The following MREG variants were observed in gnomAD, a reference collection of about 807,000 sequenced individuals.
MREG encodes the protein melanoregulin, also known as dilute suppressor protein homolog.
Under a neutral mutation model 28.5 loss-of-function variants are expected in MREG, and 31 were observed. That is an observed-to-expected ratio of 1.09 (90% confidence interval 0.82 to 1.47). The LOEUF (loss-of-function observed/expected upper bound fraction) is 1.47. Among genes scored for constraint, MREG ranks in the 40% most tolerant of loss-of-function variants. MREG has a pLI of 0.00. For missense variants in MREG, 256 were observed against 257.4 expected (o/e 0.99, Z 0.04); for synonymous variants, 106 against 95.2 (o/e 1.11, Z -0.66).
At chr2:216,013,898 T>G (rs1002639968), upstream of MREG, among the ~76,000 whole-genome samples, 5 of 152,158 alleles carry the variant, frequency 3.3e-5, no homozygotes, top group Non-Finnish European at 7.3e-5. Flanking sequence ...AGAGCATGGA[T>G]TGATGCATAT....
chr2:216,007,111 T>G (rs1228508665), intron 1 of MREG, among the ~76,000 whole-genome samples: 1 of 152,236 alleles, frequency 6.6e-6, no homozygotes, highest in Non-Finnish European at 1.5e-5. Context: ...AAGTTCTCTG[T>G]GTCTCAGTCT....
chr2:216,024,540 C>T (rs1335894361), intron 1 of MREG, among the ~76,000 whole-genome samples: 6 of 148,680 alleles, frequency 4.0e-5, no homozygotes, highest in South Asian at 2.1e-4. Flanking sequence ...AGAGCAGAAC[C>T]TGTCCAATTG....
chr2:215,993,234 T>A (rs556933070), intron 2 of MREG, among the ~76,000 whole-genome samples: 7 of 152,080 alleles, frequency 4.6e-5, no homozygotes, highest in African/African-American at 1.7e-4. Flanking sequence ...TGCAGACCAA[T>A]AGAACAGAAC....
chr2:215,986,827 T>C (rs929812185), intron 2 of MREG, among the ~76,000 whole-genome samples: 4 of 152,254 alleles, frequency 2.6e-5, no homozygotes, highest in Admixed American at 6.5e-5. Flanking sequence ...TAAACCTCTT[T>C]GCTTTATAAA....
rs980257943 is a variant in MREG, at chr2:215,943,391, A to G, written c.*1472T>C. The G allele has an allele frequency of 6.6e-6, 3 of 456,616 alleles. No homozygotes were observed. The highest frequency in any genetic ancestry group is 2.0e-5 in the African/African-American group (1 of 50,086). 28.3% of individuals were successfully genotyped at this position (456,616 alleles called of 1,614,324 possible). On this transcript the variant is annotated 3_prime_UTR_variant, in exon 5 of 5. Transcript: ENST00000263268. Reference sequence around the variant, plus strand: ...CTTCTGAAGAGAAGAAGGTCCAGCAAAGATCTTCAGTGCAATACTCCCTGC... The same window carrying G: ...CTTCTGAAGAGAAGAAGGTCCAGCAGAGATCTTCAGTGCAATACTCCCTGC...
intron 2 of MREG, among the ~76,000 whole-genome samples, chr2:215,959,188 T>A (rs1692714913): frequency 6.6e-6 from 1 of 152,134 alleles, no homozygotes; most frequent in Non-Finnish European, 1.5e-5. Context: ...AATGCCTCAA[T>A]TTCTCTTGTC....
At chr2:216,016,010 T>C (rs1455963082), upstream of MREG, among the ~76,000 whole-genome samples, 1 of 152,188 alleles carries the variant, frequency 6.6e-6, no homozygotes, top group Non-Finnish European at 1.5e-5. Context: ...AGCTACAGTG[T>C]GAGGCTGAAG....
At chr2:216,005,776 C>A (rs1694137372) in intron 1 of MREG, among the ~76,000 whole-genome samples, 1 of 144,692 alleles carries the variant, frequency 6.9e-6, no homozygotes, top group Admixed American at 7.2e-5. Context: ...TTATACTGAA[C>A]ATATTTGTGT....
At position 216,031,669 on chromosome 2, in the gene MREG, A is replaced by AAG. The variant is rs777419337; in HGVS notation, c.-68+1118_-68+1119dup. On this transcript the variant is annotated intron_variant, in intron 1 of 3. Coordinates refer to the MREG transcript ENST00000420348. ...AAGAAAAGAAAGAAAGAAAGAAAGA[A>AAG]AGAAAGAAAGAAAGAAAGAAAGAGA... 3.8e-3 allele frequency among the ~76,000 whole-genome samples: 312 copies of AAG among 81,382 alleles called. 1 individual carries two copies. Among genetic ancestry groups the AAG allele is most frequent in the African/African-American group, 0.018 (297 of 16,498 alleles). The allele number at this position is 81,382 out of a possible 152,430, so 53.4% of individuals were successfully genotyped here.
chr2:216,030,182 G>C (rs1266793800), intron 1 of MREG, among the ~76,000 whole-genome samples: 1 of 152,136 alleles, frequency 6.6e-6, no homozygotes, highest in Non-Finnish European at 1.5e-5. Context: ...TAGATTATTG[G>C]GGGTGATGGG....
intron 2 of MREG, among the ~76,000 whole-genome samples, chr2:215,947,872 T>C (rs1692362642): frequency 6.6e-6 from 1 of 152,222 alleles, no homozygotes; most frequent in Non-Finnish European, 1.5e-5. Context: ...AATACAGAAC[T>C]TGAATCTTTT....
chr2:215,964,384 C>T (rs1233998103), intron 2 of MREG, among the ~76,000 whole-genome samples: 2 of 151,718 alleles, frequency 1.3e-5, no homozygotes, highest in African/African-American at 4.8e-5. Flanking sequence ...CTCAGGAGGC[C>T]GAGGCACCAG....
intron 1 of MREG, among the ~76,000 whole-genome samples, chr2:216,007,403 TTTTATTTATTTATTTATTTA>T (rs113045457): frequency 7.0e-6 from 1 of 142,764 alleles, no homozygotes; most frequent in South Asian, 2.3e-4. Context: ...CTTAGCAACA[TTTTATTTATTTATTTATTTA>T]TTTATTTATT....
intron 2 of MREG, among the ~76,000 whole-genome samples, chr2:215,988,968 T>A (rs546356616): frequency 2.6e-5 from 4 of 152,138 alleles, no homozygotes; most frequent in Non-Finnish European, 5.9e-5. Flanking sequence ...GGGCACAGCT[T>A]CAGCAGACTT....
chr2:216,023,028 G>A (rs763570925), intron 1 of MREG, among the ~76,000 whole-genome samples: 9 of 152,130 alleles, frequency 5.9e-5, no homozygotes, highest in South Asian at 2.1e-4. Context: ...CTTTAAATTC[G>A]TGTTTTTAGT....
chr2:216,015,245 G>T (rs1318990085), upstream of MREG, among the ~76,000 whole-genome samples: 1 of 152,170 alleles, frequency 6.6e-6, no homozygotes, highest in Non-Finnish European at 1.5e-5. Flanking sequence ...ACTTTTAAAT[G>T]AGGTGGTCAG....
At chr2:216,022,413 G>A (rs1694535713) in intron 1 of MREG, among the ~76,000 whole-genome samples, 1 of 152,066 alleles carries the variant, frequency 6.6e-6, no homozygotes, top group African/African-American at 2.4e-5. Context: ...TATTTCCCAT[G>A]ATTAACTATG....
chr2:215,981,942 T>C (rs922668386), intron 2 of MREG, among the ~76,000 whole-genome samples: 1 of 152,236 alleles, frequency 6.6e-6, no homozygotes, highest in Non-Finnish European at 1.5e-5. Flanking sequence ...CTAATGATGC[T>C]GCTCGCTGGC....
chr2:215,995,790 G>C (rs1559191795), intron 2 of MREG, among the ~76,000 whole-genome samples: 1 of 152,090 alleles, frequency 6.6e-6, no homozygotes, highest in African/African-American at 2.4e-5. Flanking sequence ...GAGTTATTGT[G>C]AGGGTTCAAG....
Sources: allele counts gnomAD v4.1 joint callset (sites outside exome capture counted in the v4.1 genomes callset), GRCh38; gene constraint gnomAD v4.1.1; transcripts MANE v1.5; gene names NCBI Gene and HGNC (gene_info 2026-07-23, HGNC 2026-07-21).